COL21A1: variants seen among roughly 807,000 people sequenced by gnomAD.
COL21A1 encodes the protein collagen alpha-1(XXI) chain.
A neutral mutation model predicts 137.9 loss-of-function variants in COL21A1; 149 were observed. That is an observed-to-expected ratio of 1.08 (90% CI 0.95 to 1.24). The LOEUF is 1.24. Among genes scored for constraint, COL21A1 ranks in the 50% most tolerant of loss-of-function variants. The pLI, the probability that COL21A1 is intolerant of heterozygous loss-of-function variation, is 0.00. For synonymous variants in COL21A1, 456 were observed against 391.5 expected, an observed-to-expected ratio of 1.16 and a Z score of -1.95; for missense variants, 1,167 against 1,158.4, an observed-to-expected ratio of 1.01 and a Z score of -0.11.
At chr6:56,090,951 CAAAAGACTG>C (rs1768760954) in intron 17 of COL21A1, among the ~76,000 whole-genome samples, 1 of 151,994 alleles carries the variant, frequency 6.6e-6, no homozygotes, top group Admixed American at 6.6e-5. Context: ...CAAATCTGTA[CAAAAGACTG>C]AAACATCTTA....
chr6:56,292,548 G>C (rs1460771308), intron 1 of COL21A1, among the ~76,000 whole-genome samples: 1 of 152,134 alleles, frequency 6.6e-6, no homozygotes, highest in Non-Finnish European at 1.5e-5. Context: ...CTGTTAGCCA[G>C]AGCTTGGAGT....
intron 1 of COL21A1, among the ~76,000 whole-genome samples, chr6:56,200,661 C>A (rs532769987): frequency 6.6e-6 from 1 of 151,934 alleles, no homozygotes; most frequent in African/African-American, 2.4e-5. Flanking sequence ...GCATAGTATT[C>A]CATGGTGTAT....
At chr6:56,279,336 A>G (rs1763742607) in intron 1 of COL21A1, among the ~76,000 whole-genome samples, 1 of 152,152 alleles carries the variant, frequency 6.6e-6, no homozygotes, top group African/African-American at 2.4e-5. Context: ...CCAATTAAAT[A>G]TTTTATTTAT....
rs545457646 is a variant in COL21A1, at chr6:56,373,015, A to T, written c.-39+20956T>A. Among the ~76,000 whole-genome samples the T allele has an allele frequency of 1.4e-3, 187 of 137,822 alleles. 2 individuals carry two copies. The South Asian group carries it at 0.034, about 25-fold the overall frequency. 90.4% of individuals were successfully genotyped at this position (137,822 alleles called of 152,430 possible). On this transcript the variant is annotated intron_variant, in intron 1 of 28. Coordinates refer to the COL21A1 transcript ENST00000370819. ...TAAATTTGGAGCTAGAAAGCAAAAT[A>T]AAAAAAAAAAAGAAACTTTGAGGTC...
At chr6:56,331,968 A>G (rs749154561) in intron 1 of COL21A1, 1 of 152,100 alleles carries the variant, frequency 6.6e-6, no homozygotes, top group Non-Finnish European at 1.5e-5. Flanking sequence ...AGGCATTACC[A>G]CAACACTAAA....
rs1301668074 is a variant in COL21A1, at chr6:56,179,964, G to A, written c.254C>T (p.Pro85Leu). ...GCTTCCGAGAGGAATCTCCAGCACA[G>A]GGTAGTCACTATATTGAACCACTCC... ...QVGVVQYSDY[P>L]VLEIPLGSYD... Residue 85 changes from proline (P) to leucine (L), a missense_variant, in exon 3 of 30, where the codon CCT becomes CTT. By Grantham distance (98) the Pro-to-Leu change is moderately conservative. Transcript: ENST00000244728. 5 of 1,613,928 alleles carry A rather than the reference G, an allele frequency of 3.1e-6. No homozygotes were observed. Among genetic ancestry groups the A allele is most frequent in the South Asian group, 1.1e-5 (1 of 91,084 alleles).
At chr6:56,165,266 T>C (rs1261739375) in intron 7 of COL21A1, among the ~76,000 whole-genome samples, 1 of 152,174 alleles carries the variant, frequency 6.6e-6, no homozygotes. Flanking sequence ...CTGTGTTTTA[T>C]TAAATAACAT....
intron 1 of COL21A1, among the ~76,000 whole-genome samples, chr6:56,393,343 A>T (rs984020859): frequency 2.0e-5 from 3 of 152,236 alleles, no homozygotes; most frequent in African/African-American, 7.2e-5. Flanking sequence ...TACAAAAATC[A>T]AATCAAAATA....
chr6:56,327,607 A>G (rs538116666), intron 1 of COL21A1, among the ~76,000 whole-genome samples: 1 of 152,176 alleles, frequency 6.6e-6, no homozygotes, highest in African/African-American at 2.4e-5. Context: ...GAGGAGCCCA[A>G]GGCAAGACAG....
rs757991456 is a variant in COL21A1, at chr6:56,168,243, C to G, written c.1081G>C (p.Val361Leu). 4 of 1,570,038 alleles carry G rather than the reference C, an allele frequency of 2.5e-6. No homozygotes were observed. In the East Asian group the frequency reaches 6.8e-5, roughly 27 times the overall value. ...QIRLLVTEQD[V>L]TLYIDDQQIE... Reference sequence around the variant, plus strand: ...TGTTGGTCATCAATATACAAAGTCACATCTTGTTCTGTTACTAAGAGACGA... The same window carrying G: ...TGTTGGTCATCAATATACAAAGTCAGATCTTGTTCTGTTACTAAGAGACGA... Residue 361 changes from valine (V) to leucine (L), a missense_variant, in exon 6 of 30, where the codon GTG becomes CTG. Physicochemically the swap from Val to Leu is conservative, Grantham distance 32. Coordinates refer to ENST00000244728, the MANE Select transcript of COL21A1 (RefSeq NM_030820.4).
chr6:56,185,581 G>T (rs953459268), intron 1 of COL21A1, among the ~76,000 whole-genome samples: 2 of 150,468 alleles, frequency 1.3e-5, no homozygotes, highest in Non-Finnish European at 3.0e-5. Context: ...GACTACAGGC[G>T]CCCGCCACTA....
intron 16 of COL21A1, among the ~76,000 whole-genome samples, chr6:56,112,238 A>C (rs1771495394): frequency 6.6e-6 from 1 of 152,190 alleles, no homozygotes; most frequent in Non-Finnish European, 1.5e-5. Flanking sequence ...CCTATGGGAA[A>C]AAAATGAGAC....
chr6:56,331,525 T>C (rs1204514368), intron 1 of COL21A1, among the ~76,000 whole-genome samples: 1 of 147,562 alleles, frequency 6.8e-6, no homozygotes, highest in Non-Finnish European at 1.5e-5. Flanking sequence ...CACCATTTAT[T>C]GAAAAGGATG....
chr6:56,315,278 C>G (rs1334799612), intron 1 of COL21A1, among the ~76,000 whole-genome samples: 3 of 152,142 alleles, frequency 2.0e-5, no homozygotes, highest in African/African-American at 7.2e-5. Flanking sequence ...TACATGCCTG[C>G]CTTTTGATTG....
intron 1 of COL21A1, among the ~76,000 whole-genome samples, chr6:56,303,691 A>C (rs1485348516): frequency 6.6e-6 from 1 of 152,178 alleles, no homozygotes; most frequent in Non-Finnish European, 1.5e-5. Context: ...GAACAATTTG[A>C]CTTCCTCTTT....
At chr6:56,227,887 G>A (rs1021381214) in intron 1 of COL21A1, among the ~76,000 whole-genome samples, 6 of 152,032 alleles carry the variant, frequency 3.9e-5, no homozygotes, top group Non-Finnish European at 4.4e-5. Context: ...GAGGAAATGG[G>A]TACATTCTCT....
At chr6:56,217,146 T>G (rs1254845665) in intron 1 of COL21A1, among the ~76,000 whole-genome samples, 1 of 152,070 alleles carries the variant, frequency 6.6e-6, no homozygotes, top group Admixed American at 6.6e-5. Flanking sequence ...AGTAATACTC[T>G]CAAGTGTAAT....
At chr6:56,076,472 A>T (rs780462868) in intron 18 of COL21A1, among the ~76,000 whole-genome samples, 2 of 147,012 alleles carry the variant, frequency 1.4e-5, no homozygotes, top group South Asian at 2.1e-4. Flanking sequence ...AGATTTTTTT[A>T]AATTAAAAAA....
At chr6:56,119,126 G>C (rs1162762656) in intron 16 of COL21A1, among the ~76,000 whole-genome samples, 1 of 151,954 alleles carries the variant, frequency 6.6e-6, no homozygotes, top group Non-Finnish European at 1.5e-5. Flanking sequence ...AATTGGAAAG[G>C]GAGAAGTAAA....
Sources: allele counts gnomAD v4.1 joint callset (sites outside exome capture counted in the v4.1 genomes callset), GRCh38; gene constraint gnomAD v4.1.1; transcripts MANE v1.5; gene names NCBI Gene and HGNC (gene_info 2026-07-23, HGNC 2026-07-21).